GNG10: variants seen among roughly 807,000 people sequenced by gnomAD.
GNG10 encodes the protein guanine nucleotide-binding protein G(I)/G(S)/G(O) subunit gamma-10.
Under a neutral mutation model 6.8 loss-of-function variants are expected in GNG10, and 7 were observed. The observed-to-expected ratio is 1.02, with a 90% CI of 0.58 to 1.92. The LOEUF (loss-of-function observed/expected upper bound fraction) is 1.92, where lower values mean the gene tolerates loss of function less well. Among genes scored for constraint, GNG10 ranks in the 30% most tolerant of loss-of-function variants. The probability of loss-of-function intolerance (pLI) is 0.00; values close to 1 mark genes in which losing one functional copy is unlikely to be tolerated. For synonymous variants in GNG10, 28 were observed against 34.8 expected (o/e 0.80, Z 0.69); for missense variants, 57 against 86.1 (o/e 0.66, Z 1.34).
At chr9:111,667,930 C>T (rs1302604662) in intron 2 of GNG10, among the ~76,000 whole-genome samples, 1 of 152,128 alleles carries the variant, frequency 6.6e-6, no homozygotes, top group Non-Finnish European at 1.5e-5. Context: ...GATCTTGGCT[C>T]ACTGCATCCT....
Position 111,661,633 on chromosome 9 carries a change from C to T in GNG10, c.-2C>T. On this transcript the variant is annotated 5_prime_UTR_variant, in exon 1 of 3. Coordinates refer to ENST00000374293, the MANE Select transcript of GNG10 (RefSeq NM_001017998.4). The surrounding 1 kb of genome is among the most constrained non-coding windows in gnomAD (Gnocchi z 6.1). ...AGCCCCTAGGAGCCCAGCGCCGCCG[C>T]CATGTCCTCCGGGGCTAGCGCGAGC... The T allele has an allele frequency of 7.5e-7, 1 of 1,331,886 alleles. No homozygotes were observed. Among genetic ancestry groups the T allele is most frequent in the Non-Finnish European group, 9.8e-7 (1 of 1,020,258 alleles). The allele number at this position is 1,331,886 out of a possible 1,614,324, so 82.5% of individuals were successfully genotyped here. A position where few individuals can be genotyped will look rare whatever the true frequency, so the allele number is the denominator to read the frequency against.
chr9:111,664,038 T>C (rs774657586), intron 1 of GNG10, among the ~76,000 whole-genome samples: 84 of 151,398 alleles, frequency 5.5e-4, no homozygotes, highest in Non-Finnish European at 1.1e-3. Flanking sequence ...TTTCACCATA[T>C]TGGCCAGGCT....
At chr9:111,666,671 T>G in intron 1 of GNG10, 144 bp from the exon 2 acceptor site, 1 of 1,291,668 alleles carries the variant, frequency 7.7e-7, no homozygotes, top group Non-Finnish European at 1.0e-6. Flanking sequence ...GTAGTTCAAG[T>G]ATTAGAACTT....
chr9:111,662,144 AG>A (rs1554704725), intron 1 of GNG10, among the ~76,000 whole-genome samples: 1 of 152,094 alleles, frequency 6.6e-6, no homozygotes, highest in Non-Finnish European at 1.5e-5. Flanking sequence ...TCGTCGTGAC[AG>A]GGTGGACGGC....
chr9:111,666,892 A>G lies in GNG10; in HGVS notation c.159A>G (p.Pro53=). The part of the protein sequence containing the change: ...ACKDALLVGV[P]AGSNPFREPR... Reference sequence around the variant, plus strand: ...AGGATGCCCTGCTGGTGGGTGTTCCAGCTGGAAGTAACCCCTTCCGGGAGC... The same window carrying G: ...AGGATGCCCTGCTGGTGGGTGTTCCGGCTGGAAGTAACCCCTTCCGGGAGC... The change falls in exon 2 of 3, where the codon CCA becomes CCG. Residue 53 remains proline, a synonymous_variant. Transcript: ENST00000374293. 1 of 1,614,050 alleles carries G rather than the reference A, an allele frequency of 6.2e-7. No individual in the cohort carries two copies. Among genetic ancestry groups the G allele is most frequent in the Non-Finnish European group, 8.5e-7 (1 of 1,179,932 alleles).
intron 1 of GNG10, among the ~76,000 whole-genome samples, chr9:111,663,924 G>A (rs533884479): frequency 5.9e-4 from 90 of 151,478 alleles, no homozygotes; most frequent in African/African-American, 2.1e-3. Flanking sequence ...AGGTTCAAGC[G>A]ATTCTCCTGC....
At chr9:111,665,042 A>G (rs1372657399) in intron 1 of GNG10, among the ~76,000 whole-genome samples, 1 of 152,214 alleles carries the variant, frequency 6.6e-6, no homozygotes, top group Non-Finnish European at 1.5e-5. Context: ...GTAAACTGTC[A>G]TTACATTAAT....
chr9:111,668,555 G>A (rs1184738571), intron 2 of GNG10, among the ~76,000 whole-genome samples: 1 of 151,106 alleles, frequency 6.6e-6, no homozygotes, highest in East Asian at 2.0e-4. Flanking sequence ...CACAATCTTG[G>A]CTCACTGCAA....
chr9:111,664,638 A>G (rs1486195410), intron 1 of GNG10, among the ~76,000 whole-genome samples: 1 of 152,162 alleles, frequency 6.6e-6, no homozygotes, highest in Non-Finnish European at 1.5e-5. Flanking sequence ...ATTTGGGCTT[A>G]TAGTCTCCCA....
At chr9:111,666,981 T>C (rs1267201331) in intron 2 of GNG10, 35 bp downstream of exon 2, 2 of 1,604,454 alleles carry the variant, frequency 1.2e-6, no homozygotes, top group Non-Finnish European at 1.7e-6. Context: ...CTTGGGCCCA[T>C]AGCATTATCA....
chr9:111,667,041 C>G, intron 2 of GNG10, 95 bp downstream of exon 2: 4 of 1,515,800 alleles, frequency 2.6e-6, no homozygotes, highest in Non-Finnish European at 2.6e-6. Flanking sequence ...GTCTCCTATT[C>G]TTGGGGAAAT....
intron 1 of GNG10, among the ~76,000 whole-genome samples, chr9:111,663,393 C>G (rs771780010): frequency 6.6e-6 from 1 of 151,822 alleles, no homozygotes; most frequent in Non-Finnish European, 1.5e-5. Flanking sequence ...GAGGTGGGGC[C>G]GGAGGGCAAG....
At chr9:111,668,547 C>T (rs2131283403) in intron 2 of GNG10, among the ~76,000 whole-genome samples, 1 of 150,702 alleles carries the variant, frequency 6.6e-6, no homozygotes, top group Non-Finnish European at 1.5e-5. Context: ...TGCAGTGGCA[C>T]AATCTTGGCT....
chr9:111,663,836 T>C (rs1372776664), intron 1 of GNG10, among the ~76,000 whole-genome samples: 1 of 141,272 alleles, frequency 7.1e-6, no homozygotes, highest in Non-Finnish European at 1.5e-5. Flanking sequence ...TTTTTTTTTT[T>C]TGAGATGGAG....
intron 1 of GNG10, among the ~76,000 whole-genome samples, chr9:111,663,816 A>C (rs968742917): frequency 8.0e-6 from 1 of 124,776 alleles, no homozygotes; most frequent in Non-Finnish European, 1.6e-5. Flanking sequence ...AAGAGGAAAG[A>C]TATTCTTTTT....
chr9:111,666,246 C>T (rs1271001131), intron 1 of GNG10, among the ~76,000 whole-genome samples: 2 of 152,156 alleles, frequency 1.3e-5, no homozygotes, highest in Non-Finnish European at 2.9e-5. Flanking sequence ...GATGAGGAAG[C>T]AGCTACTGAG....
rs1830827306 is a variant in GNG10, at chr9:111,661,963, C to G, written c.81+248C>G. On this transcript the variant is annotated intron_variant, in intron 1 of 2. Coordinates refer to ENST00000374293, the MANE Select transcript of GNG10 (RefSeq NM_001017998.4). This position sits in a 1 kb window ranked among gnomAD's most constrained non-coding sequence, Gnocchi z 6.1. ...CGGTCCCGGTCCCTGGGGGTGCGCC[C>G]ACTCCAGAAGGCGGCCGTGGTCAGT... Among the ~76,000 whole-genome samples, 1 of 151,880 alleles carries G rather than the reference C, an allele frequency of 6.6e-6. No individual in the cohort carries two copies. Among genetic ancestry groups the G allele is most frequent in the Non-Finnish European group, 1.5e-5 (1 of 67,942 alleles).
Position 111,661,736 on chromosome 9 carries a change from C to A in GNG10, c.81+21C>A. On this transcript the variant is annotated intron_variant, in intron 1 of 2. Coordinates refer to ENST00000374293, the MANE Select transcript of GNG10 (RefSeq NM_001017998.4). This position sits in a 1 kb window ranked among gnomAD's most constrained non-coding sequence, Gnocchi z 6.1. ...TCAAGGTGCGGGCCCCGGGTACCCA[C>A]GCTCCGGTCCTTCCGCCCGCGGGGC... The A allele has an allele frequency of 3.9e-6, 5 of 1,286,612 alleles. No homozygotes were observed. The highest frequency in any genetic ancestry group is 5.0e-6 in the Non-Finnish European group (5 of 991,298). The allele number at this position is 1,286,612 out of a possible 1,614,324, so 79.7% of individuals were successfully genotyped here.
At chr9:111,666,326 C>G (rs1830897554) in intron 1 of GNG10, among the ~76,000 whole-genome samples, 1 of 152,086 alleles carries the variant, frequency 6.6e-6, no homozygotes. Flanking sequence ...CAGTCTGGTT[C>G]CAGAGGCTAT....
Sources: gnomAD v4.1 joint callset for allele counts (sites outside exome capture counted in the v4.1 genomes callset) on GRCh38, gnomAD v4.1.1 for gene constraint, Gnocchi (gnomAD v3.1) non-coding constraint, MANE v1.5 for transcripts, NCBI Gene and HGNC (gene_info 2026-07-23, HGNC 2026-07-21) for gene names.